The following EYS variants were observed in gnomAD, a reference collection of about 807,000 sequenced individuals.
The protein encoded by EYS is EGF-like photoreceptor maintenance factor, also known as protein eyes shut homolog.
In EYS, 250 loss-of-function variants were observed where a neutral mutation model predicts 282.1. The ratio of observed to expected loss-of-function variants is 0.89; its 90% CI spans 0.80 to 0.98. The LOEUF is 0.98. Ranked by LOEUF, EYS falls within the 50% of genes least tolerant of loss-of-function variation. EYS has a pLI of 0.00. For synonymous variants in EYS, 1,355 were observed against 1,282.9 expected, an observed-to-expected ratio of 1.06 and a Z score of -1.20; for missense variants, 4,016 against 3,709.0, an observed-to-expected ratio of 1.08 and a Z score of -2.15.
intron 26 of EYS, among the ~76,000 whole-genome samples, chr6:64,506,310 C>T (rs1029750560): frequency 5.9e-5 from 9 of 152,000 alleles, no homozygotes; most frequent in African/African-American, 2.2e-4. Context: ...ATTCATCTAT[C>T]CTGAATTAAA....
chr6:64,585,833 T>C (rs993827042), intron 26 of EYS, among the ~76,000 whole-genome samples: 7 of 152,106 alleles, frequency 4.6e-5, no homozygotes, highest in African/African-American at 1.7e-4. Flanking sequence ...AAGTTCTAAG[T>C]ATTATCTTAT....
chr6:64,494,116 T>C (rs1157509364), intron 26 of EYS, among the ~76,000 whole-genome samples: 1 of 151,580 alleles, frequency 6.6e-6, no homozygotes, highest in Non-Finnish European at 1.5e-5. Context: ...CTGCATTATA[T>C]GTGTAAAATT....
intron 22 of EYS, among the ~76,000 whole-genome samples, chr6:64,648,758 C>T (rs867320312): frequency 1.2e-4 from 19 of 152,066 alleles, no homozygotes; most frequent in South Asian, 6.2e-4. Flanking sequence ...GGAATGGATT[C>T]TGGAGGGGGA....
chr6:65,507,310 A>C (rs1319591449), intron 2 of EYS, among the ~76,000 whole-genome samples: 3 of 152,120 alleles, frequency 2.0e-5, no homozygotes, highest in Non-Finnish European at 2.9e-5. Flanking sequence ...TCCTGTATAG[A>C]AAAAGTGTTT....
chr6:64,324,773 G>A (rs1317997350), intron 29 of EYS, among the ~76,000 whole-genome samples: 1 of 152,212 alleles, frequency 6.6e-6, no homozygotes, highest in East Asian at 1.9e-4. Context: ...CAAGATTTCA[G>A]GATACAAAAT....
At chr6:65,166,378 T>C (rs1764971418) in intron 12 of EYS, among the ~76,000 whole-genome samples, 1 of 151,220 alleles carries the variant, frequency 6.6e-6, no homozygotes, top group Non-Finnish European at 1.5e-5. Flanking sequence ...CTAACATAAA[T>C]GTAGTTATAA....
chr6:64,359,000 T>G (rs1170593266), intron 29 of EYS, among the ~76,000 whole-genome samples: 1 of 151,678 alleles, frequency 6.6e-6, no homozygotes, highest in Non-Finnish European at 1.5e-5. Context: ...AGGGAGAATT[T>G]AAAAGTTTCG....
Position 65,495,184 on chromosome 6 carries a change from T to C in EYS, c.227A>G (p.Gln76Arg). 1 of 1,614,122 alleles carries C rather than the reference T, an allele frequency of 6.2e-7. No homozygotes were observed. Among genetic ancestry groups the C allele is most frequent in the South Asian group, 1.1e-5 (1 of 91,080 alleles). ...TAATTGAATTTGCAAAGGGCAAATCTGGGGAACAGCTTGATTGCCTGAAGT... is the reference window on the plus strand; with the variant it reads ...TAATTGAATTTGCAAAGGGCAAATCCGGGGAACAGCTTGATTGCCTGAAGT... ...IDTSGNQAVP[Q>R]ICPLQIQLGD... Residue 76 changes from glutamine to arginine, a missense_variant, in exon 4 of 43, where the codon CAG (glutamine) becomes CGG (arginine). Transcript: ENST00000503581.
At chr6:64,255,531 TA>T (rs1767361378) in intron 30 of EYS, among the ~76,000 whole-genome samples, 3 of 152,214 alleles carry the variant, frequency 2.0e-5, no homozygotes, top group African/African-American at 7.2e-5. Flanking sequence ...ACTGTGCCTT[TA>T]AAAAAGTTCA....
chr6:65,355,375 A>T (rs1376904574), intron 8 of EYS, among the ~76,000 whole-genome samples: 1 of 146,058 alleles, frequency 6.8e-6, no homozygotes, highest in African/African-American at 2.6e-5. Context: ...AAATTTAAAA[A>T]TAATTTCAGA....
intron 39 of EYS, among the ~76,000 whole-genome samples, chr6:63,784,979 C>T (rs1770326752): frequency 6.6e-6 from 1 of 152,084 alleles, no homozygotes; most frequent in Non-Finnish European, 1.5e-5. Flanking sequence ...CTGAAGAGCT[C>T]ATTAAAATAC....
At chr6:65,622,786 ATC>A (rs1379779925) in intron 2 of EYS, among the ~76,000 whole-genome samples, 1 of 149,288 alleles carries the variant, frequency 6.7e-6, no homozygotes, top group African/African-American at 2.5e-5. Flanking sequence ...TTGAAACAGT[ATC>A]TCTCTGTCAC....
chr6:64,717,554 C>G (rs1771436759), intron 22 of EYS, among the ~76,000 whole-genome samples: 1 of 152,150 alleles, frequency 6.6e-6, no homozygotes, highest in South Asian at 2.1e-4. Flanking sequence ...ACAGATGAAG[C>G]TTTGCTTGCT....
chr6:65,100,217 A>T (rs1163222699), intron 12 of EYS, among the ~76,000 whole-genome samples: 1 of 150,896 alleles, frequency 6.6e-6, no homozygotes, highest in Non-Finnish European at 1.5e-5. Context: ...AATAGGCATT[A>T]AAAATGTTAG....
chr6:63,798,987 G>GTATATATATATATATATATA (rs56290982), intron 37 of EYS, among the ~76,000 whole-genome samples: 2 of 85,792 alleles, frequency 2.3e-5, no homozygotes, highest in South Asian at 4.1e-4. Flanking sequence ...GTATATGTGT[G>GTATATATATATATATATATA]TATATATATA....
intron 22 of EYS, among the ~76,000 whole-genome samples, chr6:64,664,350 T>C (rs1332969662): frequency 3.9e-5 from 6 of 152,186 alleles, no homozygotes; most frequent in Non-Finnish European, 7.4e-5. Flanking sequence ...CCCTCTTTAC[T>C]ACCTGATTGG....
At chr6:64,149,552 TAGC>T (rs527463119) in intron 31 of EYS, among the ~76,000 whole-genome samples, 3 of 152,158 alleles carry the variant, frequency 2.0e-5, no homozygotes, top group Non-Finnish European at 2.9e-5. Flanking sequence ...AGATGCCAAA[TAGC>T]AGCAGCAGCT....
At chr6:64,100,018 A>G (rs780839161) in intron 31 of EYS, among the ~76,000 whole-genome samples, 1 of 152,094 alleles carries the variant, frequency 6.6e-6, no homozygotes, top group South Asian at 2.1e-4. Flanking sequence ...AAACCGTCTC[A>G]GTTTTTTGTT....
intron 29 of EYS, among the ~76,000 whole-genome samples, chr6:64,311,174 T>A (rs944281116): frequency 2.6e-5 from 4 of 152,150 alleles, no homozygotes; most frequent in Admixed American, 6.5e-5. Context: ...GGTTTTTAGA[T>A]CATTTCTACT....
Sources: gnomAD v4.1 joint callset for allele counts (sites outside exome capture counted in the v4.1 genomes callset) on GRCh38, gnomAD v4.1.1 for gene constraint, MANE v1.5 for transcripts, NCBI Gene and HGNC (gene_info 2026-07-23, HGNC 2026-07-21) for gene names.